The following FARP2 variants were observed in gnomAD, a reference collection of about 807,000 sequenced individuals.
The protein encoded by FARP2 is FERM, ARHGEF and pleckstrin domain-containing protein 2.
FARP2 carries 111 observed loss-of-function variants against 130.5 expected under a neutral mutation model. The ratio of observed to expected loss-of-function variants is 0.85; its 90% CI spans 0.73 to 1.00. The LOEUF (loss-of-function observed/expected upper bound fraction) is 1.00, where lower values mean the gene tolerates loss of function less well. Ranked by LOEUF, FARP2 falls within the 50% of genes least tolerant of loss-of-function variation. The pLI, the probability that FARP2 is intolerant of heterozygous loss-of-function variation, is 0.00. For synonymous variants in FARP2, 504 were observed against 516.9 expected (o/e 0.98, Z 0.34); for missense variants, 1,385 against 1,346.3 (o/e 1.03, Z -0.45).
At chr2:241,400,821 T>C (rs1459211658) in intron 2 of FARP2, among the ~76,000 whole-genome samples, 1 of 152,146 alleles carries the variant, frequency 6.6e-6, no homozygotes, top group East Asian at 1.9e-4. Context: ...TTGAAAGAAC[T>C]TCATAGGGTT....
chr2:241,383,124 G>A (rs934240028), intron 2 of FARP2, among the ~76,000 whole-genome samples: 3 of 152,230 alleles, frequency 2.0e-5, no homozygotes, highest in Admixed American at 1.3e-4. Flanking sequence ...AGGCCAGCAC[G>A]TGTTTGGCAG....
intron 1 of FARP2, among the ~76,000 whole-genome samples, chr2:241,357,026 C>T (rs2061084400): frequency 6.6e-6 from 1 of 152,248 alleles, no homozygotes; most frequent in Non-Finnish European, 1.5e-5. Flanking sequence ...CAGTACATTA[C>T]ACACCCGAAT....
intron 19 of FARP2, among the ~76,000 whole-genome samples, chr2:241,480,512 A>G (rs1335428672): frequency 6.8e-6 from 1 of 146,016 alleles, no homozygotes; most frequent in African/African-American, 2.5e-5. Context: ...ACCTTGATAC[A>G]ATAGATAGGC....
intron 2 of FARP2, among the ~76,000 whole-genome samples, chr2:241,398,905 A>G (rs1465166235): frequency 2.6e-5 from 4 of 152,182 alleles, no homozygotes; most frequent in Admixed American, 2.6e-4. Flanking sequence ...CTCTATAAAC[A>G]GATATTTCTG....
rs749054401 is a variant in FARP2, at chr2:241,491,525, A to T, written c.2633A>T (p.Asn878Ile). Reference sequence around the variant, plus strand: ...GCTGACTTCTCCCCAGGATCCCCCAACGAGGTATCTCTGGAGCAGGAGTCA... The same window carrying T: ...GCTGACTTCTCCCCAGGATCCCCCATCGAGGTATCTCTGGAGCAGGAGTCA... ...TVCTRPPRSP[N>I]EVSLEQESED... The change falls in exon 24 of 27, where the codon AAC becomes ATC. Residue 878 changes from asparagine to isoleucine, a missense_variant. Coordinates refer to ENST00000264042, the MANE Select transcript of FARP2 (RefSeq NM_014808.4). 1 of 1,613,408 alleles carries T rather than the reference A, an allele frequency of 6.2e-7. No homozygotes were observed. The highest frequency in any genetic ancestry group is 8.5e-7 in the Non-Finnish European group (1 of 1,179,846).
rs6723397 is a variant in FARP2 at position 241,396,884 on chromosome 2, C to T, written c.184-6944C>T. 4.6e-3 allele frequency among the ~76,000 whole-genome samples: 697 copies of T among 152,290 alleles called. 9 individuals are homozygous for T. The highest frequency in any genetic ancestry group is 0.016 in the African/African-American group (665 of 41,552). On this transcript the variant is annotated intron_variant, in intron 2 of 26. Transcript: ENST00000264042. Reference sequence around the variant, plus strand: ...ATGCTGCTATAAAGACACATGCACACGTGTGTTTCTTGCGGCACTATTCAC... The same window carrying T: ...ATGCTGCTATAAAGACACATGCACATGTGTGTTTCTTGCGGCACTATTCAC...
rs758333328 is a variant in FARP2 at position 241,403,928 on chromosome 2, A to C, written c.284A>C (p.Tyr95Ser). The C allele has an allele frequency of 3.4e-5, 55 of 1,596,882 alleles. No individual in the cohort carries two copies. In the South Asian group the frequency reaches 5.0e-4, roughly 14 times the overall value. ...FGMEFQNTQS[Y>S]WIWLEPMKPI... Reference sequence around the variant, plus strand: ...ATGGAGTTTCAAAATACTCAGTCCTACTGGGTAAGTGCTTATGACGTGCCC... The same window carrying C: ...ATGGAGTTTCAAAATACTCAGTCCTCCTGGGTAAGTGCTTATGACGTGCCC... Residue 95 changes from tyrosine to serine, a missense_variant, in exon 3 of 27, where the codon TAC (tyrosine) becomes TCC (serine). By Grantham distance (144) the Tyr-to-Ser change is moderately radical. Transcript: ENST00000264042.
intron 19 of FARP2, among the ~76,000 whole-genome samples, chr2:241,481,365 A>C (rs1487413040): frequency 6.6e-6 from 1 of 152,200 alleles, no homozygotes; most frequent in East Asian, 1.9e-4. Flanking sequence ...CAACATAAAA[A>C]ATTGTTTTAA....
chr2:241,370,277 G>T (rs1294164367), intron 1 of FARP2, among the ~76,000 whole-genome samples: 33 of 152,092 alleles, frequency 2.2e-4, no homozygotes, highest in Non-Finnish European at 4.6e-4. Context: ...CTTGTATAAG[G>T]ATACAAAACT....
chr2:241,460,392 C>T (rs1259476004), intron 14 of FARP2, among the ~76,000 whole-genome samples: 1 of 152,108 alleles, frequency 6.6e-6, no homozygotes, highest in Non-Finnish European at 1.5e-5. Context: ...AGTGATCCTC[C>T]CAACTCAGGC....
chr2:241,395,145 C>T (rs2061998725), intron 2 of FARP2, among the ~76,000 whole-genome samples: 1 of 152,192 alleles, frequency 6.6e-6, no homozygotes, highest in Non-Finnish European at 1.5e-5. Context: ...AGGATTCCTA[C>T]TCCAAAGCCT....
At chr2:241,469,092 G>T (rs996600221) in intron 18 of FARP2, among the ~76,000 whole-genome samples, 2 of 146,202 alleles carry the variant, frequency 1.4e-5, no homozygotes, top group African/African-American at 5.0e-5. Flanking sequence ...TGGTTTTGTG[G>T]TTTTTTTTTT....
chr2:241,410,307 CTG>C (rs1283313447), intron 5 of FARP2, among the ~76,000 whole-genome samples: 1 of 152,144 alleles, frequency 6.6e-6, no homozygotes, highest in African/African-American at 2.4e-5. Context: ...TCATCCAAAA[CTG>C]TGAGTGCAGT....
At chr2:241,399,564 C>A (rs752586447) in intron 2 of FARP2, among the ~76,000 whole-genome samples, 37 of 152,214 alleles carry the variant, frequency 2.4e-4, no homozygotes, top group Non-Finnish European at 4.8e-4. Flanking sequence ...TCTGCCTCGG[C>A]CTCCCAAAGT....
intron 7 of FARP2, among the ~76,000 whole-genome samples, chr2:241,416,424 C>T (rs1318087215): frequency 3.3e-5 from 5 of 152,064 alleles, no homozygotes; most frequent in African/African-American, 9.7e-5. Flanking sequence ...ACCACAGCTT[C>T]GTTGCACATC....
At chr2:241,415,348 A>C (rs1449041044) in intron 7 of FARP2, among the ~76,000 whole-genome samples, 3 of 152,040 alleles carry the variant, frequency 2.0e-5, no homozygotes, top group Non-Finnish European at 4.4e-5. Context: ...GCCCTCTGCT[A>C]GTGTTGTGTG....
chr2:241,399,572 A>G (rs1574737771), intron 2 of FARP2, among the ~76,000 whole-genome samples: 3 of 152,202 alleles, frequency 2.0e-5, no homozygotes, highest in Non-Finnish European at 2.9e-5. Context: ...GGCCTCCCAA[A>G]GTGCTGGGAT....
intron 9 of FARP2, among the ~76,000 whole-genome samples, chr2:241,433,693 G>A (rs1346502566): frequency 6.6e-6 from 1 of 152,074 alleles, no homozygotes; most frequent in Non-Finnish European, 1.5e-5. Flanking sequence ...TCTTAATTAA[G>A]CAGATGGAAC....
intron 2 of FARP2, among the ~76,000 whole-genome samples, chr2:241,378,044 A>T (rs1381992628): frequency 6.6e-6 from 1 of 152,104 alleles, no homozygotes; most frequent in Non-Finnish European, 1.5e-5. Context: ...TATTCTAGCC[A>T]TCCTAGTAGG....
Sources: gnomAD v4.1 joint callset for allele counts (sites outside exome capture counted in the v4.1 genomes callset) on GRCh38, gnomAD v4.1.1 for gene constraint, MANE v1.5 for transcripts, NCBI Gene and HGNC (gene_info 2026-07-23, HGNC 2026-07-21) for gene names.